Variants in POLA2 observed in about 807,000 individuals in gnomAD.
POLA2 encodes DNA polymerase alpha 2, accessory subunit, also known as DNA polymerase alpha subunit B.
In POLA2, 47 loss-of-function variants were observed where a neutral mutation model predicts 82.8. The observed-to-expected ratio is 0.57, with a 90% CI of 0.45 to 0.72. The LOEUF (loss-of-function observed/expected upper bound fraction) is 0.72, where lower values mean the gene tolerates loss of function less well. Ranked by LOEUF, POLA2 falls within the 30% of genes least tolerant of loss-of-function variation. The pLI, the probability that POLA2 is intolerant of heterozygous loss-of-function variation, is 0.00. For synonymous variants in POLA2, 287 were observed against 286.8 expected, an observed-to-expected ratio of 1.00 and a Z score of -0.01; for missense variants, 634 against 728.1, an observed-to-expected ratio of 0.87 and a Z score of 1.49.
chr11:65,300,685 C>T (rs143983619), downstream of POLA2, among the ~76,000 whole-genome samples: 262 of 151,734 alleles, frequency 1.7e-3, 3 homozygotes, highest in African/African-American at 5.7e-3. Context: ...CGGGTTCAAA[C>T]GATTCTCCTG....
rs557583654 is a variant in POLA2, at chr11:65,305,580, G to A, written c.*79G>A. ...TCCCAGCCACGCAGGAGGCCAAGGC[G>A]GGAGGATGGCTTAAGCCCAGGAGGT... On this transcript the variant is annotated 3_prime_UTR_variant, in exon 9 of 9. Transcript: ENST00000525924. 7 of 362,188 alleles carry A rather than the reference G, an allele frequency of 1.9e-5. No individual in the cohort carries two copies. In the East Asian group the frequency reaches 2.2e-4, roughly 12 times the overall value. The allele number at this position is 362,188 out of a possible 1,614,324, so 22.4% of individuals were successfully genotyped here.
At chr11:65,289,113 G>A (rs1228113918) in intron 12 of POLA2, 25 bp downstream of exon 12, 1 of 1,598,434 alleles carries the variant, frequency 6.3e-7, no homozygotes, top group Middle Eastern at 1.7e-4. Context: ...GTGGGAAGGG[G>A]TCCTGGGTAC....
chr11:65,290,948 TG>T (rs1447192327), intron 13 of POLA2, among the ~76,000 whole-genome samples: 2 of 152,126 alleles, frequency 1.3e-5, no homozygotes, highest in East Asian at 3.9e-4. Flanking sequence ...TCAGTGAGGG[TG>T]GGGCCTTGAA....
chr11:65,266,693 CTT>C lies in POLA2; in HGVS notation c.194_195del (p.Phe65Ter), dbSNP rs1381112568. On this transcript the variant is annotated frameshift_variant, in exon 2 of 18. Coordinates refer to ENST00000265465, the MANE Select transcript of POLA2 (RefSeq NM_002689.4). LOFTEE classifies it high-confidence loss of function. Reference sequence around the variant, plus strand: ...GGCCTTACCTCAGAGATCCTGAACTCTTTTGAGCATGAGGTAAGAACAAAATG... The same window carrying C: ...GGCCTTACCTCAGAGATCCTGAACTCTTGAGCATGAGGTAAGAACAAAATG... The C allele has an allele frequency of 1.4e-5, 23 of 1,614,156 alleles. No individual in the cohort carries two copies. The highest frequency in any genetic ancestry group is 2.2e-5 in the East Asian group (1 of 44,886).
chr11:65,266,136 T>G (rs1459844715), intron 1 of POLA2, among the ~76,000 whole-genome samples: 1 of 152,148 alleles, frequency 6.6e-6, no homozygotes, highest in Non-Finnish European at 1.5e-5. Context: ...TTTCCCCATC[T>G]CAGTTAATAG....
At chr11:65,287,167 C>T (rs1949705635) in intron 10 of POLA2, among the ~76,000 whole-genome samples, 1 of 152,072 alleles carries the variant, frequency 6.6e-6, no homozygotes, top group Admixed American at 6.6e-5. Flanking sequence ...GCTGATTCTC[C>T]AAAAGGAAAG....
chr11:65,303,915 G>A (rs1373020223), intron 8 of POLA2, among the ~76,000 whole-genome samples: 1 of 152,168 alleles, frequency 6.6e-6, no homozygotes, highest in East Asian at 1.9e-4. Flanking sequence ...TGAATGAGTG[G>A]ACAGAATCTC....
At chr11:65,301,408 G>A (rs114546682), downstream of POLA2, among the ~76,000 whole-genome samples, 2,097 of 152,132 alleles carry the variant, frequency 0.014, 42 homozygotes, top group African/African-American at 0.048. Flanking sequence ...CTGGTAGCAT[G>A]TAGCAAAGGG....
chr11:65,282,828 A>G (rs1379703179), intron 10 of POLA2, among the ~76,000 whole-genome samples: 1 of 152,198 alleles, frequency 6.6e-6, no homozygotes, highest in African/African-American at 2.4e-5. Flanking sequence ...TTCAAAAAGA[A>G]TTTATTTACA....
At chr11:65,285,613 C>G (rs182911311) in intron 10 of POLA2, among the ~76,000 whole-genome samples, 2 of 148,704 alleles carry the variant, frequency 1.3e-5, no homozygotes, top group East Asian at 2.0e-4. Flanking sequence ...AAAGAAAATA[C>G]AAATTTATAG....
downstream of POLA2, among the ~76,000 whole-genome samples, chr11:65,299,398 G>A (rs909863259): frequency 6.6e-6 from 1 of 152,206 alleles, no homozygotes; most frequent in Non-Finnish European, 1.5e-5. Flanking sequence ...TTCCCTTTAG[G>A]GTTCCAGTCT....
Position 65,294,627 on chromosome 11 carries a change from C to T in POLA2, c.1435C>T (p.His479Tyr). The change falls in exon 15 of 18, where the codon CAC becomes TAC. Residue 479 changes from histidine to tyrosine, a missense_variant. His to Tyr is a moderately conservative substitution (Grantham distance 83). Coordinates refer to ENST00000265465, the MANE Select transcript of POLA2 (RefSeq NM_002689.4). Reference sequence around the variant, plus strand: ...CTTGACATCCACAGATCTGCTTTTCCACCTGGGGGCCGAGGAGATCAGTAG... The same window carrying T: ...CTTGACATCCACAGATCTGCTTTTCTACCTGGGGGCCGAGGAGATCAGTAG... The part of the protein sequence containing the change: ...FGLTSTDLLF[H>Y]LGAEEISSSS... 6.2e-7 allele frequency: 1 copy of T among 1,613,882 alleles called. No individual in the cohort carries two copies. The highest frequency in any genetic ancestry group is 8.5e-7 in the Non-Finnish European group (1 of 1,179,800).
At chr11:65,304,311 CCACT>C (rs1269391280) in intron 8 of POLA2, among the ~76,000 whole-genome samples, 1 of 151,928 alleles carries the variant, frequency 6.6e-6, no homozygotes, top group African/African-American at 2.4e-5. Context: ...ACCCACCCAC[CCACT>C]CATCCATCCA....
intron 10 of POLA2, among the ~76,000 whole-genome samples, chr11:65,283,206 G>C (rs1347843576): frequency 3.9e-5 from 6 of 152,146 alleles, no homozygotes. Flanking sequence ...AAGAGAACGG[G>C]AACATCAGTG....
intron 10 of POLA2, among the ~76,000 whole-genome samples, chr11:65,286,650 A>G (rs937494501): frequency 2.0e-5 from 3 of 152,114 alleles, no homozygotes; most frequent in African/African-American, 4.8e-5. Flanking sequence ...TTAGCCTCTC[A>G]AAGTGCTGGA....
chr11:65,272,094 G>A (rs1421970152), intron 4 of POLA2, among the ~76,000 whole-genome samples: 1 of 152,124 alleles, frequency 6.6e-6, no homozygotes, highest in Admixed American at 6.5e-5. Flanking sequence ...AGGATCACTG[G>A]AGGTCAGGGG....
Position 65,275,875 on chromosome 11 carries a change from T to C in POLA2, c.355-17T>C, listed in dbSNP as rs1383329258. 1 of 1,475,600 alleles carries C rather than the reference T, an allele frequency of 6.8e-7. No homozygotes were observed. The highest frequency in any genetic ancestry group is 1.2e-5 in the South Asian group (1 of 86,282). 91.4% of individuals were successfully genotyped at this position (1,475,600 alleles called of 1,614,324 possible). A position where few individuals can be genotyped will look rare whatever the true frequency, so the allele number is the denominator to read the frequency against. The stretch of plus-strand genomic sequence containing the variant: ...GTCTAGTAGGACTGAGATTTTGTTT[T>C]CCTTTTTTTTCCCTAGGGTTCTCAG... On this transcript the variant is annotated splice_polypyrimidine_tract_variant and intron_variant, in intron 4 of 17. Transcript: ENST00000265465.
intron 10 of POLA2, among the ~76,000 whole-genome samples, chr11:65,284,150 G>GATAC (rs898339814): frequency 1.1e-4 from 16 of 151,692 alleles, no homozygotes; most frequent in African/African-American, 2.9e-4. Context: ...TAGATAGATA[G>GATAC]ATAGATAGAT....
In POLA2 at chr11:65,294,533, G is replaced by A. The variant is rs372531735; in HGVS notation, c.1354-13G>A. On this transcript the variant is annotated splice_polypyrimidine_tract_variant and intron_variant, in intron 14 of 17. Transcript: ENST00000265465. ...GGCATACAAATGTTTGTTTCAATCC[G>A]TTCTCATTTTAGCAAGTACAGTTTG... 1.4e-5 allele frequency: 23 copies of A among 1,596,354 alleles called. No individual in the cohort carries two copies. Among genetic ancestry groups the A allele is most frequent in the African/African-American group, 5.4e-5 (4 of 74,378 alleles).
Sources: gnomAD v4.1 joint callset for allele counts (sites outside exome capture counted in the v4.1 genomes callset) on GRCh38, gnomAD v4.1.1 for gene constraint, MANE v1.5 for transcripts, NCBI Gene and HGNC (gene_info 2026-07-23, HGNC 2026-07-21) for gene names.